FXR1: variants seen among roughly 807,000 people sequenced by gnomAD.
FXR1 encodes the protein FMR1 autosomal homolog 1, also known as RNA-binding protein FXR1.
FXR1 carries 15 observed loss-of-function variants against 84.0 expected under a neutral mutation model. The ratio of observed to expected loss-of-function variants is 0.18; its 90% CI spans 0.12 to 0.27. FXR1 has a LOEUF of 0.27. Ranked by LOEUF, FXR1 falls within the 10% of genes least tolerant of loss-of-function variation. The pLI is 1.00. For missense variants in FXR1, 480 were observed against 774.4 expected (o/e 0.62, Z 4.51); for synonymous variants, 245 against 250.7 (o/e 0.98, Z 0.21).
At chr3:180,955,732 A>C (rs1039953962) in intron 9 of FXR1, among the ~76,000 whole-genome samples, 1 of 152,360 alleles carries the variant, frequency 6.6e-6, no homozygotes, top group Middle Eastern at 3.4e-3. Flanking sequence ...TCTGTCAATT[A>C]TAAAAGATAG....
In FXR1 at chr3:180,968,258, G is replaced by A; in HGVS notation, c.1402+4G>A. On this transcript the variant is annotated splice_donor_region_variant and intron_variant, in intron 14 of 16. Transcript: ENST00000357559. ...GGCAAATCCTCCATCAGTTCTGGTA[G>A]TCTTTTCTATACTCTGTCAGCATCC... 1 of 1,571,786 alleles carries A rather than the reference G, an allele frequency of 6.4e-7. No individual in the cohort carries two copies. Among genetic ancestry groups the A allele is most frequent in the Non-Finnish European group, 8.8e-7 (1 of 1,142,018 alleles).
At chr3:180,974,667 C>T (rs1577012030) in intron 15 of FXR1, among the ~76,000 whole-genome samples, 1 of 152,088 alleles carries the variant, frequency 6.6e-6, no homozygotes, top group Non-Finnish European at 1.5e-5. Flanking sequence ...TCATTGAATA[C>T]ACTCTGGACC....
At chr3:180,936,186 C>T (rs1470142070) in intron 3 of FXR1, among the ~76,000 whole-genome samples, 1 of 150,708 alleles carries the variant, frequency 6.6e-6, no homozygotes, top group East Asian at 2.0e-4. Context: ...GCCACCGCGC[C>T]TAGCCATTTA....
intron 13 of FXR1, among the ~76,000 whole-genome samples, chr3:180,964,891 A>C (rs1295843358): frequency 6.6e-6 from 1 of 151,890 alleles, no homozygotes; most frequent in Non-Finnish European, 1.5e-5. Flanking sequence ...GATTATTTTT[A>C]GCTGTTAAGC....
intron 1 of FXR1, among the ~76,000 whole-genome samples, chr3:180,927,283 G>T (rs949454239): frequency 3.3e-5 from 5 of 152,030 alleles, no homozygotes; most frequent in African/African-American, 1.2e-4. Context: ...AACCTAGGGA[G>T]TGAAACTTTG....
intron 6 of FXR1, 50 bp downstream of exon 6, chr3:180,948,864 A>G (rs1388038827): frequency 2.4e-6 from 2 of 825,522 alleles, no homozygotes; most frequent in South Asian, 2.9e-5. Flanking sequence ...TATTGCACAG[A>G]TTTTATAATT....
intron 3 of FXR1, among the ~76,000 whole-genome samples, chr3:180,943,370 C>T (rs1721346287): frequency 7.0e-6 from 1 of 143,108 alleles, no homozygotes; most frequent in East Asian, 2.2e-4. Context: ...TCAGGCGATT[C>T]TCCTGCCTCA....
intron 3 of FXR1, among the ~76,000 whole-genome samples, chr3:180,943,776 A>G (rs1721390017): frequency 6.6e-6 from 1 of 152,178 alleles, no homozygotes; most frequent in African/African-American, 2.4e-5. Flanking sequence ...TGCTTTGGTG[A>G]AAATAGAATA....
intron 3 of FXR1, among the ~76,000 whole-genome samples, chr3:180,942,163 G>C: frequency 6.6e-6 from 1 of 151,896 alleles, no homozygotes; most frequent in Middle Eastern, 3.2e-3. Flanking sequence ...CAGATCATGA[G>C]GTCAGGAGAT....
chr3:180,965,021 C>G (rs866921326), intron 13 of FXR1, among the ~76,000 whole-genome samples: 1 of 145,458 alleles, frequency 6.9e-6, no homozygotes, highest in Non-Finnish European at 1.5e-5. Context: ...TGTTTTGTTA[C>G]TTTTTTTTTT....
chr3:180,933,255 A>G (rs1406133171), intron 1 of FXR1, 79 bp from the exon 2 acceptor site: 1 of 818,432 alleles, frequency 1.2e-6, no homozygotes, highest in African/African-American at 1.7e-5. Flanking sequence ...ACTCCCTATT[A>G]TCTTTGAACT....
chr3:180,935,341 A>G (rs1422085532), intron 3 of FXR1, 110 bp downstream of exon 3: 22 of 614,190 alleles, frequency 3.6e-5, no homozygotes, highest in East Asian at 5.7e-5. Context: ...CATTTTCTCT[A>G]TTCTTTCTAT....
chr3:180,912,912 C>T (rs1221421549), intron 1 of FXR1, among the ~76,000 whole-genome samples, 176 bp downstream of exon 1: 8 of 152,042 alleles, frequency 5.3e-5, no homozygotes, highest in Non-Finnish European at 1.0e-4. Flanking sequence ...TCTCGGGGGC[C>T]GGGGCTCCGT....
At chr3:180,940,691 C>T (rs1473997892) in intron 3 of FXR1, among the ~76,000 whole-genome samples, 5 of 151,680 alleles carry the variant, frequency 3.3e-5, no homozygotes, top group Admixed American at 3.3e-4. Flanking sequence ...ATTCTCCTGC[C>T]TCAGCCTCCC....
intron 3 of FXR1, among the ~76,000 whole-genome samples, chr3:180,940,109 G>A (rs1337127023): frequency 6.6e-6 from 1 of 152,186 alleles, no homozygotes; most frequent in East Asian, 1.9e-4. Context: ...GTGGACCCAA[G>A]AAGACAACAT....
At chr3:180,955,479 A>C (rs995691274) in intron 9 of FXR1, among the ~76,000 whole-genome samples, 1 of 152,200 alleles carries the variant, frequency 6.6e-6, no homozygotes, top group Non-Finnish European at 1.5e-5. Context: ...TAATTATACA[A>C]AATATAGGTA....
Position 180,972,467 on chromosome 3 carries a change from T to C in FXR1, c.1603+2109T>C, listed in dbSNP as rs76972704. On this transcript the variant is annotated intron_variant, in intron 15 of 16. Transcript: ENST00000357559. Reference sequence around the variant, plus strand: ...AGACCCTGTCTCAAAAAAAAATGTTTTAGATGAAGAGATTATTTCATTTTT... The same window carrying C: ...AGACCCTGTCTCAAAAAAAAATGTTCTAGATGAAGAGATTATTTCATTTTT... 6.9e-3 allele frequency among the ~76,000 whole-genome samples: 1,047 copies of C among 152,284 alleles called. 43 individuals are homozygous for C. The East Asian group carries it at 0.12, about 18-fold the overall frequency.
chr3:180,929,865 A>AGT (rs1470500172), intron 1 of FXR1, among the ~76,000 whole-genome samples: 2 of 152,228 alleles, frequency 1.3e-5, no homozygotes, highest in African/African-American at 4.8e-5. Flanking sequence ...GATTTTATGG[A>AGT]GTAGGATGTT....
At chr3:180,956,579 G>T (rs1014636270) in intron 9 of FXR1, among the ~76,000 whole-genome samples, 1 of 152,166 alleles carries the variant, frequency 6.6e-6, no homozygotes, top group African/African-American at 2.4e-5. Flanking sequence ...TTTTAGCAGG[G>T]TCAAGGATGG....
Sources: gnomAD v4.1 joint callset for allele counts (sites outside exome capture counted in the v4.1 genomes callset) on GRCh38, gnomAD v4.1.1 for gene constraint, MANE v1.5 for transcripts, NCBI Gene and HGNC (gene_info 2026-07-23, HGNC 2026-07-21) for gene names.